Variants in CADPS2 observed in about 807,000 individuals in gnomAD.
The protein encoded by CADPS2 is calcium-dependent secretion activator 2.
CADPS2 carries 93 observed loss-of-function variants against 172.5 expected under a neutral mutation model. The ratio of observed to expected loss-of-function variants is 0.54; its 90% confidence interval spans 0.46 to 0.64. The LOEUF (loss-of-function observed/expected upper bound fraction) is 0.64, where lower values mean the gene tolerates loss of function less well. Ranked by LOEUF, CADPS2 falls within the 30% of genes least tolerant of loss-of-function variation. The pLI is 0.00. For missense variants in CADPS2, 1,420 were observed against 1,565.9 expected (o/e 0.91, Z 1.57); for synonymous variants, 546 against 555.2 (o/e 0.98, Z 0.23).
At chr7:122,749,326 T>C (rs1302080059) in intron 1 of CADPS2, among the ~76,000 whole-genome samples, 1 of 152,008 alleles carries the variant, frequency 6.6e-6, no homozygotes, top group Admixed American at 6.6e-5. Flanking sequence ...GCCTAATAGC[T>C]GATTAAAACC....
chr7:122,358,267 T>C (rs2151106171), intron 27 of CADPS2, among the ~76,000 whole-genome samples: 1 of 152,286 alleles, frequency 6.6e-6, no homozygotes, highest in South Asian at 2.1e-4. Context: ...TCTGCATATC[T>C]TTCTTGTTGC....
At chr7:122,344,602 C>T (rs1041963181) in intron 28 of CADPS2, among the ~76,000 whole-genome samples, 10 of 152,090 alleles carry the variant, frequency 6.6e-5, no homozygotes, top group African/African-American at 1.9e-4. Flanking sequence ...AAATGTTCAA[C>T]AGTAGAGTGG....
intron 2 of CADPS2, among the ~76,000 whole-genome samples, chr7:122,703,937 T>C (rs2086572876): frequency 2.0e-5 from 3 of 152,136 alleles, no homozygotes; most frequent in African/African-American, 7.2e-5. Flanking sequence ...TCTTTACGGC[T>C]TTAAAGATGC....
At chr7:122,703,057 T>C (rs532401446) in intron 2 of CADPS2, 7 of 261,626 alleles carry the variant, frequency 2.7e-5, no homozygotes, top group Admixed American at 9.8e-5. Flanking sequence ...TATTAGTGCA[T>C]TGCATCCTGA....
At chr7:122,808,248 T>C (rs1589322228) in intron 1 of CADPS2, among the ~76,000 whole-genome samples, 1 of 94,232 alleles carries the variant, frequency 1.1e-5, no homozygotes, top group African/African-American at 4.7e-5. Flanking sequence ...CAGTGTGTTG[T>C]TAAACTGCTT....
chr7:122,590,765 G>A (rs890818190), intron 6 of CADPS2, among the ~76,000 whole-genome samples: 3 of 151,444 alleles, frequency 2.0e-5, no homozygotes, highest in Non-Finnish European at 2.9e-5. Flanking sequence ...ATAATCCTAA[G>A]TCAAAAATTT....
chr7:122,601,693 C>A (rs573924425), intron 6 of CADPS2, among the ~76,000 whole-genome samples: 99 of 151,940 alleles, frequency 6.5e-4, no homozygotes, highest in Middle Eastern at 6.8e-3. Context: ...GCAAAAAAAA[C>A]CCCCAAATCC....
intron 1 of CADPS2, among the ~76,000 whole-genome samples, chr7:122,815,870 T>TA (rs781099980): frequency 9.2e-5 from 14 of 151,824 alleles, no homozygotes; most frequent in Non-Finnish European, 1.3e-4. Flanking sequence ...AAGGTTAATT[T>TA]AAAAAAAAAT....
At chr7:122,405,419 T>C (rs2046525769) in intron 20 of CADPS2, among the ~76,000 whole-genome samples, 1 of 152,096 alleles carries the variant, frequency 6.6e-6, no homozygotes, top group South Asian at 2.1e-4. Flanking sequence ...TCCCAGCACT[T>C]TGGGAGGCTG....
chr7:122,540,037 C>T (rs2062759155), intron 8 of CADPS2, among the ~76,000 whole-genome samples: 2 of 151,968 alleles, frequency 1.3e-5, no homozygotes, highest in African/African-American at 4.8e-5. Flanking sequence ...ACTGTTTAAG[C>T]TCATTTCAAG....
chr7:122,729,673 A>AC (rs2091453969), intron 2 of CADPS2, among the ~76,000 whole-genome samples: 1 of 119,398 alleles, frequency 8.4e-6, no homozygotes, highest in African/African-American at 3.0e-5. Context: ...CCCATTTTTA[A>AC]CGGTTTTTTT....
intron 29 of CADPS2, among the ~76,000 whole-genome samples, chr7:122,320,959 C>T (rs1307317891): frequency 6.6e-6 from 1 of 152,100 alleles, no homozygotes; most frequent in African/African-American, 2.4e-5. Context: ...TGACATAAAG[C>T]TTCCATAGAT....
intron 20 of CADPS2, among the ~76,000 whole-genome samples, chr7:122,395,786 ACT>A (rs2045021680): frequency 6.6e-6 from 1 of 150,622 alleles, no homozygotes; most frequent in Admixed American, 6.6e-5. Context: ...CATCACAGAA[ACT>A]CTACGAGGGA....
At chr7:122,358,940 C>T (rs764377794) in intron 27 of CADPS2, among the ~76,000 whole-genome samples, 2 of 152,052 alleles carry the variant, frequency 1.3e-5, no homozygotes, top group Non-Finnish European at 2.9e-5. Context: ...GATGAAGAGT[C>T]TGGATATGAT....
intron 27 of CADPS2, among the ~76,000 whole-genome samples, chr7:122,358,262 A>T (rs897997436): frequency 6.6e-6 from 1 of 152,120 alleles, no homozygotes; most frequent in African/African-American, 2.4e-5. Flanking sequence ...TGGTATCTGC[A>T]TATCTTTCTT....
At chr7:122,885,377 G>A (rs959908053) in intron 1 of CADPS2, among the ~76,000 whole-genome samples, 4 of 151,558 alleles carry the variant, frequency 2.6e-5, no homozygotes, top group Non-Finnish European at 4.4e-5. Flanking sequence ...GGCCTGCCCA[G>A]ACCAGAAATT....
chr7:122,415,038 G>A (rs2047720473), intron 18 of CADPS2, among the ~76,000 whole-genome samples: 1 of 152,156 alleles, frequency 6.6e-6, no homozygotes, highest in Non-Finnish European at 1.5e-5. Flanking sequence ...ATGGCTATTA[G>A]AAAGAGTGAG....
intron 28 of CADPS2, among the ~76,000 whole-genome samples, chr7:122,334,793 A>G (rs1463727199): frequency 6.6e-6 from 1 of 152,190 alleles, no homozygotes; most frequent in Non-Finnish European, 1.5e-5. Context: ...TTAAAAAAAA[A>G]TCTGTGGATA....
chr7:122,873,100 G>T (rs1001927259), intron 1 of CADPS2, among the ~76,000 whole-genome samples: 2 of 152,088 alleles, frequency 1.3e-5, no homozygotes, highest in Non-Finnish European at 2.9e-5. Context: ...TTTGGAGAAA[G>T]TAAAACCCAC....
Sources: allele counts gnomAD v4.1 joint callset (sites outside exome capture counted in the v4.1 genomes callset), GRCh38; gene constraint gnomAD v4.1.1; transcripts MANE v1.5; gene names NCBI Gene and HGNC (gene_info 2026-07-23, HGNC 2026-07-21).